KCNG2: variants seen among roughly 807,000 people sequenced by gnomAD.
KCNG2 encodes the protein voltage-gated potassium channel regulatory subunit KCNG2.
Under a neutral mutation model 12.3 loss-of-function variants are expected in KCNG2, and 7 were observed. That is an observed-to-expected ratio of 0.57 (90% CI 0.32 to 1.07). The LOEUF (loss-of-function observed/expected upper bound fraction) is 1.07. Ranked by LOEUF, KCNG2 falls within the 50% of genes least tolerant of loss-of-function variation. The pLI, the probability that KCNG2 is intolerant of heterozygous loss-of-function variation, is 0.04. For missense variants in KCNG2, 703 were observed against 726.0 expected (o/e 0.97, Z 0.36); for synonymous variants, 414 against 351.4 (o/e 1.18, Z -1.99).
chr18:79,823,728 A>C (rs1163006632), intron 1 of KCNG2, among the ~76,000 whole-genome samples: 1 of 152,026 alleles, frequency 6.6e-6, no homozygotes, highest in East Asian at 1.9e-4. Flanking sequence ...ACGTGTGCCC[A>C]GCTCTTTATG....
chr18:79,881,356 T>C (rs1911277628), intron 3 of KCNG2, among the ~76,000 whole-genome samples: 1 of 152,120 alleles, frequency 6.6e-6, no homozygotes, highest in Non-Finnish European at 1.5e-5. Context: ...GGACTGCCTA[T>C]GTAGAAACAC....
chr18:79,805,032 G>A (rs1470906890), intron 1 of KCNG2, among the ~76,000 whole-genome samples: 1 of 152,104 alleles, frequency 6.6e-6, no homozygotes, highest in African/African-American at 2.4e-5. Context: ...GCATCCTTTT[G>A]TTTGGATTTA....
intron 3 of KCNG2, among the ~76,000 whole-genome samples, chr18:79,879,671 G>C (rs920508648): frequency 1.3e-5 from 2 of 152,180 alleles, no homozygotes; most frequent in African/African-American, 2.4e-5. Context: ...GGCCTACCAG[G>C]GTTCCAGAAA....
At chr18:79,872,929 A>C (rs1599416684) in intron 3 of KCNG2, among the ~76,000 whole-genome samples, 1 of 148,508 alleles carries the variant, frequency 6.7e-6, no homozygotes, top group African/African-American at 2.5e-5. Context: ...GGCCGTGGGG[A>C]GGGTCTGTGG....
intron 2 of KCNG2, among the ~76,000 whole-genome samples, chr18:79,861,109 G>C (rs542602072): frequency 2.0e-5 from 3 of 152,036 alleles, no homozygotes; most frequent in African/African-American, 7.3e-5. Context: ...ATAAATGAGC[G>C]TATTATAGTA....
chr18:79,882,648 T>G (rs890624381), intron 3 of KCNG2, among the ~76,000 whole-genome samples: 1 of 152,198 alleles, frequency 6.6e-6, no homozygotes, highest in African/African-American at 2.4e-5. Context: ...GGCCCTGATC[T>G]AAAAACCAGC....
intron 2 of KCNG2, among the ~76,000 whole-genome samples, chr18:79,857,929 C>T (rs1234875179): frequency 6.6e-6 from 1 of 152,162 alleles, no homozygotes; most frequent in Non-Finnish European, 1.5e-5. Context: ...TCCCCATCGC[C>T]CCTCTTCCCA....
chr18:79,867,334 G>A (rs1979634059), intron 3 of KCNG2, among the ~76,000 whole-genome samples: 2 of 151,894 alleles, frequency 1.3e-5, no homozygotes, highest in African/African-American at 2.4e-5. Context: ...GTCAACCTAT[G>A]TTACCATGAG....
At chr18:79,805,954 C>T (rs1470581534) in intron 1 of KCNG2, among the ~76,000 whole-genome samples, 1 of 152,136 alleles carries the variant, frequency 6.6e-6, no homozygotes, top group African/African-American at 2.4e-5. Flanking sequence ...GGAGTGAAGG[C>T]CCCAGGGAGT....
rs373549065 is a variant in KCNG2, at chr18:79,884,111, G to A, written c.625-14929G>A. Among the ~76,000 whole-genome samples the A allele has an allele frequency of 6.7e-6, 1 of 149,306 alleles. No homozygotes were observed. The highest frequency in any genetic ancestry group is 1.5e-5 in the Non-Finnish European group (1 of 67,594). On this transcript the variant is annotated intron_variant, in intron 3 of 3. Transcript: ENST00000316249. This position sits in a 1 kb window ranked among gnomAD's most constrained non-coding sequence, Gnocchi z 5.5. ...GGCCCTCTTCTCCCACCAGCCTCCC[G>A]CCTGCAATTTCCGTGGCACAGGCCG...
chr18:79,809,345 A>G (rs1156938575), intron 1 of KCNG2, among the ~76,000 whole-genome samples: 10 of 78,484 alleles, frequency 1.3e-4, no homozygotes, highest in African/African-American at 4.5e-4. Flanking sequence ...TGCCGGGGAC[A>G]CACTGACCAC....
chr18:79,869,522 G>T (rs1325877274), intron 3 of KCNG2, among the ~76,000 whole-genome samples: 2 of 152,082 alleles, frequency 1.3e-5, no homozygotes, highest in Non-Finnish European at 2.9e-5. Flanking sequence ...CTGGGGACCG[G>T]AAGGTGGACA....
chr18:79,852,640 T>C (rs1327036015), intron 1 of KCNG2, among the ~76,000 whole-genome samples: 2 of 152,234 alleles, frequency 1.3e-5, no homozygotes, highest in Non-Finnish European at 2.9e-5. Context: ...CCGTTGTCCA[T>C]GCGGATGGCG....
rs187232132 is a variant in KCNG2, at chr18:79,814,855, G to A, written c.-115+16841G>A. Among the ~76,000 whole-genome samples the A allele has an allele frequency of 1.0e-3, 155 of 151,504 alleles. 2 individuals carry two copies. The highest frequency in any genetic ancestry group is 1.9e-3 in the Admixed American group (29 of 15,216). On this transcript the variant is annotated intron_variant, in intron 1 of 3. Coordinates refer to ENST00000316249, the MANE Select transcript of KCNG2 (RefSeq NM_012283.2). ...TTAAAAGTAGTTACCTGTGGGGAGC[G>A]GATTTGTTTTGAAGGGGGAAGGGTG...
chr18:79,809,321 G>A (rs371101492), intron 1 of KCNG2, among the ~76,000 whole-genome samples: 11 of 57,256 alleles, frequency 1.9e-4, no homozygotes, highest in African/African-American at 8.5e-4. Context: ...CCCAGAGTCC[G>A]CGCTCTGAGG....
chr18:79,865,649 T>G (rs1979471438), intron 3 of KCNG2, among the ~76,000 whole-genome samples: 1 of 144,498 alleles, frequency 6.9e-6, no homozygotes, highest in South Asian at 2.3e-4. Context: ...CTGAGAAGTT[T>G]GCATGCTGAG....
chr18:79,802,290 C>T (rs1367068586), intron 1 of KCNG2, among the ~76,000 whole-genome samples: 5 of 152,288 alleles, frequency 3.3e-5, no homozygotes, highest in East Asian at 1.9e-4. Context: ...CAGGTGGACG[C>T]GGCTCATGGA....
chr18:79,868,918 G>A lies in KCNG2; in HGVS notation c.624+4627G>A, dbSNP rs538923408. 2.4e-4 allele frequency among the ~76,000 whole-genome samples: 36 copies of A among 152,342 alleles called. No individual in the cohort carries two copies. The East Asian group carries it at 6.6e-3, about 28-fold the overall frequency. ...GCTTCAGTGCTGTTTGTCAGGACAC[G>A]AGTTCTTGAGAACTAGGAGTCGGTG... On this transcript the variant is annotated intron_variant, in intron 3 of 3. Transcript: ENST00000316249.
chr18:79,877,503 C>T (rs1229647930), intron 3 of KCNG2, among the ~76,000 whole-genome samples: 1 of 152,208 alleles, frequency 6.6e-6, no homozygotes, highest in Non-Finnish European at 1.5e-5. Flanking sequence ...GGGGTCCCTG[C>T]ATGCTGAGCC....
Sources: allele counts gnomAD v4.1 joint callset (sites outside exome capture counted in the v4.1 genomes callset), GRCh38; gene constraint gnomAD v4.1.1; non-coding constraint Gnocchi (gnomAD v3.1); transcripts MANE v1.5; gene names NCBI Gene and HGNC (gene_info 2026-07-23, HGNC 2026-07-21).